The following ZNF320 variants were observed in gnomAD, a reference collection of about 807,000 sequenced individuals.
ZNF320 encodes the protein zinc finger protein 320.
A neutral mutation model predicts 6.8 loss-of-function variants in ZNF320; 2 were observed. That is an observed-to-expected ratio of 0.29 (90% confidence interval 0.12 to 0.93). The LOEUF (loss-of-function observed/expected upper bound fraction) is 0.93. ZNF320 is among the 40% of genes least tolerant of loss of function. The probability of loss-of-function intolerance (pLI) is 0.55; values close to 1 mark genes in which losing one functional copy is unlikely to be tolerated. For synonymous variants in ZNF320, 208 were observed against 203.2 expected, an observed-to-expected ratio of 1.02 and a Z score of -0.20; for missense variants, 472 against 611.0, an observed-to-expected ratio of 0.77 and a Z score of 2.40.
At chr19:52,894,003 A>G (rs2064392143) in intron 1 of ZNF320, 147 bp from the exon 2 acceptor site, 1 of 152,234 alleles carries the variant, frequency 6.6e-6, no homozygotes, top group Admixed American at 6.5e-5. Flanking sequence ...GACGAACTAC[A>G]CAGAAACTCT....
Position 52,880,321 on chromosome 19 carries a change from G to A in ZNF320, c.*275C>T, listed in dbSNP as rs140372883. ...CGAGATCACATCACTGCACTCCAAC[G>A]TGGGCGACAGAGCAAGATTCCATCT... On this transcript the variant is annotated 3_prime_UTR_variant, in exon 6 of 6. Coordinates refer to ENST00000682928, the MANE Select transcript of ZNF320 (RefSeq NM_001351774.2). 217 of 308,506 alleles carry A rather than the reference G, an allele frequency of 7.0e-4. 1 individual carries two copies. Among genetic ancestry groups the A allele is most frequent in the African/African-American group, 4.4e-3 (202 of 46,016 alleles). The allele number at this position is 308,506 out of a possible 1,614,324, so 19.1% of individuals were successfully genotyped here.
rs754569604 is a variant in ZNF320, at chr19:52,881,927, C to T, written c.199G>A (p.Glu67Lys). 1 of 1,609,890 alleles carries T rather than the reference C, an allele frequency of 6.2e-7. No individual in the cohort carries two copies. Among genetic ancestry groups the T allele is most frequent in the African/African-American group, 1.3e-5 (1 of 74,656 alleles). ...TLSSTGQGNT[E>K]VIHTGTLQRQ... ...TGCAATGTCCCTGTGTGGATCACTT[C>T]TGTATTGCCTTGCCCTGTTGATGAC... The change falls in exon 6 of 6, where the codon GAA becomes AAA. Residue 67 changes from glutamate to lysine, a missense_variant. Transcript: ENST00000682928.
intron 3 of ZNF320, 54 bp from the exon 4 acceptor site, chr19:52,890,382 A>G: frequency 7.5e-7 from 1 of 1,338,764 alleles, no homozygotes; most frequent in Non-Finnish European, 1.0e-6. Flanking sequence ...CCCCCTCCCC[A>G]TAACACAATG....
chr19:52,899,217 CTTA>C (rs1013184678), upstream of ZNF320, among the ~76,000 whole-genome samples: 2 of 152,128 alleles, frequency 1.3e-5, no homozygotes, highest in African/African-American at 4.8e-5. Flanking sequence ...TATTATAACT[CTTA>C]TTATAAGAGT....
intron 3 of ZNF320, among the ~76,000 whole-genome samples, 172 bp downstream of exon 3, chr19:52,891,057 G>A (rs922099864): frequency 1.3e-5 from 2 of 152,134 alleles, no homozygotes; most frequent in African/African-American, 4.8e-5. Context: ...GCTGAGGTTG[G>A]AGGATCACTT....
chr19:52,875,038 A>G (rs1246849048), downstream of ZNF320, among the ~76,000 whole-genome samples: 1 of 152,062 alleles, frequency 6.6e-6, no homozygotes, highest in East Asian at 1.9e-4. Flanking sequence ...TTTCTCCCAC[A>G]CCTCAAAGGA....
At chr19:52,861,895 G>A in exon 6 of ZNF320, 1 of 362,572 alleles carries the variant, frequency 2.8e-6, no homozygotes, top group East Asian at 7.6e-5. Context: ...TGAACGTGAA[G>A]TAAAGACTTT....
At chr19:52,900,729 T>C (rs1215713578), upstream of ZNF320, among the ~76,000 whole-genome samples, 1 of 152,014 alleles carries the variant, frequency 6.6e-6, no homozygotes, top group African/African-American at 2.4e-5. Context: ...AATTGTACTT[T>C]GGGTCTGATG....
At position 52,888,137 on chromosome 19, in the gene ZNF320, C is replaced by T; in HGVS notation, c.132G>A (p.Leu44=). The change falls in exon 5 of 6, where the codon CTG becomes CTA. Residue 44 remains leucine, a synonymous_variant. Transcript: ENST00000682928. ...GGAAGTTATCCTCACCCAGGGAGAC[C>T]AGGTTCCTATAATTCTCCAGCATCA... ...RDVMLENYRN[L]VSLDISSKCM... is the part of the protein sequence containing the mutation. 3.8e-6 allele frequency: 6 copies of T among 1,576,782 alleles called. No homozygotes were observed. Among genetic ancestry groups the T allele is most frequent in the East Asian group, 2.2e-5 (1 of 44,744 alleles).
intron 2 of ZNF320, 101 bp downstream of exon 2, chr19:52,893,678 C>G (rs2064382700): frequency 6.6e-6 from 1 of 152,204 alleles, no homozygotes; most frequent in Admixed American, 6.5e-5. Context: ...CATTAATGCA[C>G]TTCTGCACAT....
In ZNF320 at chr19:52,880,655, G is replaced by A; in HGVS notation, c.1471C>T (p.Pro491Ser). Reference sequence around the variant, plus strand: ...CACTTGAAACAATTGTCTCCAAAAGGAATTTTCTGATGTTCTGCAAGGAGT... The same window carrying A: ...CACTTGAAACAATTGTCTCCAAAAGAAATTTTCTGATGTTCTGCAAGGAGT... ...RSLLAEHQKI[P>S]FGDNCFKCNE... The change falls in exon 6 of 6, where the codon CCT becomes TCT. Residue 491 changes from proline to serine, a missense_variant. Physicochemically the swap from Pro to Ser is moderately conservative, Grantham distance 74 (BLOSUM62 -1). Coordinates refer to ENST00000682928, the MANE Select transcript of ZNF320 (RefSeq NM_001351774.2). The A allele has an allele frequency of 6.2e-7, 1 of 1,613,304 alleles. No individual in the cohort carries two copies. The highest frequency in any genetic ancestry group is 8.5e-7 in the Non-Finnish European group (1 of 1,179,670).
downstream of ZNF320, chr19:52,873,953 G>T: frequency 2.4e-6 from 1 of 424,950 alleles, no homozygotes; most frequent in South Asian, 1.9e-5. Context: ...TTTCAGAAAG[G>T]AAAGAGACAG....
intron 1 of ZNF320, among the ~76,000 whole-genome samples, chr19:52,897,048 T>C (rs979094092): frequency 3.9e-5 from 6 of 152,224 alleles, no homozygotes; most frequent in African/African-American, 1.4e-4. Flanking sequence ...CATAGGGACC[T>C]CAAAATAAAT....
In ZNF320 at chr19:52,866,009, T is replaced by TTG. The variant is rs2063557267; in HGVS notation, c.224-1851_224-1850insCA. On this transcript the variant is annotated intron_variant, in intron 5 of 5. Coordinates refer to the ZNF320 transcript ENST00000673631. ...TATATATATGATTATACATATATATTTATATATTATACATATTTATATATA... is the reference window on the plus strand; with the variant it reads ...TATATATATGATTATACATATATATTTGTATATATTATACATATTTATATATA... 2.2e-5 allele frequency among the ~76,000 whole-genome samples: 2 copies of TTG among 91,618 alleles called. 1 individual carries two copies. 60.1% of individuals were successfully genotyped at this position (91,618 alleles called of 152,430 possible).
intron 5 of ZNF320, among the ~76,000 whole-genome samples, chr19:52,887,462 A>C (rs1215199216): frequency 6.6e-6 from 1 of 152,224 alleles, no homozygotes; most frequent in South Asian, 2.1e-4. Flanking sequence ...TGACTGCCTC[A>C]TTCTGAATGC....
chr19:52,889,193 GA>G (rs67797348), intron 4 of ZNF320, among the ~76,000 whole-genome samples: 23,611 of 149,576 alleles, frequency 0.16, 1,950 homozygotes, highest in East Asian at 0.27. Flanking sequence ...AAAAAAAAAA[GA>G]AAAAAAAAGT....
chr19:52,897,771 T>A (rs1447940862), upstream of ZNF320: 2 of 142,412 alleles, frequency 1.4e-5, no homozygotes, highest in Admixed American at 7.3e-5. Flanking sequence ...TAGGCCGGGA[T>A]GAGACGCGAA....
intron 1 of ZNF320, 118 bp from the exon 2 acceptor site, chr19:52,893,974 A>G (rs1231097717): frequency 6.6e-6 from 1 of 152,184 alleles, no homozygotes; most frequent in East Asian, 1.9e-4. Context: ...GAGAAGGACA[A>G]CCAACATACA....
downstream of ZNF320, among the ~76,000 whole-genome samples, chr19:52,859,694 T>G (rs991945148): frequency 6.6e-6 from 1 of 152,136 alleles, no homozygotes; most frequent in African/African-American, 2.4e-5. Context: ...TGGTGATGGA[T>G]TGATACACTT....
Sources: gnomAD v4.1 joint callset for allele counts (sites outside exome capture counted in the v4.1 genomes callset) on GRCh38, gnomAD v4.1.1 for gene constraint, MANE v1.5 for transcripts, NCBI Gene and HGNC (gene_info 2026-07-23, HGNC 2026-07-21) for gene names.